The following NPEPPS variants were observed in gnomAD, a reference collection of about 807,000 sequenced individuals.
The protein encoded by NPEPPS is puromycin-sensitive aminopeptidase.
Under a neutral mutation model 115.5 loss-of-function variants are expected in NPEPPS, and 14 were observed. The observed-to-expected ratio is 0.12, with a 90% CI of 0.08 to 0.19. The LOEUF (loss-of-function observed/expected upper bound fraction) is 0.19. Ranked by LOEUF, NPEPPS falls within the 10% of genes least tolerant of loss-of-function variation. NPEPPS has a pLI of 1.00. For synonymous variants in NPEPPS, 285 were observed against 390.6 expected, an observed-to-expected ratio of 0.73 and a Z score of 3.19; for missense variants, 523 against 1,110.8, an observed-to-expected ratio of 0.47 and a Z score of 7.52.
chr17:47,605,703 T>C (rs1412577144), intron 17 of NPEPPS, among the ~76,000 whole-genome samples, 151 bp downstream of exon 17: 2 of 152,244 alleles, frequency 1.3e-5, no homozygotes, highest in Admixed American at 1.3e-4. Flanking sequence ...TTAAGTCTGC[T>C]GGTGAAGTTA....
At chr17:47,541,808 G>A (rs1463253291) in intron 1 of NPEPPS, among the ~76,000 whole-genome samples, 1 of 152,200 alleles carries the variant, frequency 6.6e-6, no homozygotes, top group Non-Finnish European at 1.5e-5. Context: ...TGGTGAAATA[G>A]TGTGAAGGAA....
chr17:47,596,528 A>C lies in NPEPPS; in HGVS notation c.1536+66A>C, dbSNP rs556420710. On this transcript the variant is annotated intron_variant, in intron 13 of 22. Transcript: ENST00000322157. ...AAATGAAGTTCAGTACAGTGTATCA[A>C]GTTTGCTTTTCTGTACTTTAAGTTT... The C allele has an allele frequency of 1.4e-5, 15 of 1,090,906 alleles. No individual in the cohort carries two copies. In the Admixed American group the frequency reaches 4.0e-4, roughly 29 times the overall value. The allele number at this position is 1,090,906 out of a possible 1,614,324, so 67.6% of individuals were successfully genotyped here.
rs905037534 is a variant in NPEPPS, at chr17:47,531,874, C to G, written c.255+319C>G. On this transcript the variant is annotated intron_variant, in intron 1 of 22. Transcript: ENST00000322157. The stretch of plus-strand genomic sequence containing the variant: ...CACACCTGTGTGGGGCTTTCCCCCC[C>G]GCCCCGGACCCTTCTGGGCTTGATA... 1.6e-4 allele frequency among the ~76,000 whole-genome samples: 25 copies of G among 152,174 alleles called. 1 individual carries two copies. The highest frequency in any genetic ancestry group is 2.1e-4 in the South Asian group (1 of 4,828).
At chr17:47,614,919 G>A (rs1914092795) in intron 19 of NPEPPS, among the ~76,000 whole-genome samples, 1 of 152,122 alleles carries the variant, frequency 6.6e-6, no homozygotes, top group Non-Finnish European at 1.5e-5. Context: ...TGTAGAAATA[G>A]CTCTAATGAT....
chr17:47,579,636 T>A (rs545467025), intron 4 of NPEPPS, 125 bp downstream of exon 4: 1 of 653,350 alleles, frequency 1.5e-6, no homozygotes, highest in East Asian at 3.0e-5. Flanking sequence ...ATTCACAATT[T>A]TAGAATTTTT....
chr17:47,612,896 C>T (rs1913967682), intron 18 of NPEPPS, among the ~76,000 whole-genome samples: 1 of 152,158 alleles, frequency 6.6e-6, no homozygotes, highest in Admixed American at 6.6e-5. Context: ...CTCCTGACCT[C>T]AGGTAATCCA....
At chr17:47,547,974 C>T (rs1282384306) in intron 2 of NPEPPS, among the ~76,000 whole-genome samples, 1 of 152,012 alleles carries the variant, frequency 6.6e-6, no homozygotes, top group East Asian at 1.9e-4. Flanking sequence ...TGCAGTGAGC[C>T]GAGATCGCGC....
chr17:47,557,113 CTG>C (rs1910101373), intron 2 of NPEPPS, among the ~76,000 whole-genome samples: 1 of 152,134 alleles, frequency 6.6e-6, no homozygotes, highest in Admixed American at 6.5e-5. Context: ...GAGTCTCACT[CTG>C]TCACCCAGGC....
chr17:47,574,918 C>T (rs1472803343), intron 3 of NPEPPS, among the ~76,000 whole-genome samples: 1 of 152,118 alleles, frequency 6.6e-6, no homozygotes, highest in East Asian at 1.9e-4. Context: ...GATTCTGTTA[C>T]TTCTATTTTG....
chr17:47,589,740 T>G (rs955919253), intron 9 of NPEPPS, among the ~76,000 whole-genome samples: 2 of 152,228 alleles, frequency 1.3e-5, no homozygotes. Context: ...ACACCATTCA[T>G]TACTGAACTG....
chr17:47,609,534 CAAT>C (rs1171433230), intron 17 of NPEPPS, among the ~76,000 whole-genome samples: 1 of 152,208 alleles, frequency 6.6e-6, no homozygotes, highest in African/African-American at 2.4e-5. Flanking sequence ...ATCATCACAA[CAAT>C]GTGTAGTTAT....
At chr17:47,614,784 C>T (rs1914086459) in intron 19 of NPEPPS, among the ~76,000 whole-genome samples, 1 of 152,122 alleles carries the variant, frequency 6.6e-6, no homozygotes, top group South Asian at 2.1e-4. Context: ...CAAAATGTGC[C>T]TAAAAACCCA....
intron 19 of NPEPPS, among the ~76,000 whole-genome samples, chr17:47,614,226 C>T (rs1366549679): frequency 6.6e-6 from 1 of 152,168 alleles, no homozygotes; most frequent in Non-Finnish European, 1.5e-5. Context: ...ACCTCAGCCT[C>T]CCAAAGTGCT....
chr17:47,528,914 G>C (rs2143638262), upstream of NPEPPS, among the ~76,000 whole-genome samples: 1 of 152,096 alleles, frequency 6.6e-6, no homozygotes, highest in African/African-American at 2.4e-5. Flanking sequence ...GGGATTACAG[G>C]CGTGAGCCAC....
At chr17:47,611,472 A>AG (rs1913870334) in intron 17 of NPEPPS, among the ~76,000 whole-genome samples, 1 of 151,358 alleles carries the variant, frequency 6.6e-6, no homozygotes, top group Non-Finnish European at 1.5e-5. Context: ...AAAAAAAAAA[A>AG]AAGAGACAAG....
At chr17:47,525,488 C>T (rs1328775476) in intron 1 of NPEPPS, among the ~76,000 whole-genome samples, 4 of 152,122 alleles carry the variant, frequency 2.6e-5, no homozygotes, top group Non-Finnish European at 4.4e-5. Flanking sequence ...GGATTACAGG[C>T]ATGCAACACC....
intron 5 of NPEPPS, 74 bp from the exon 6 acceptor site, chr17:47,585,426 A>G (rs1912123427): frequency 1.0e-6 from 1 of 992,222 alleles, no homozygotes; most frequent in African/African-American, 1.6e-5. Context: ...TAAAGCCTAC[A>G]GTTTTTGGCT....
intron 17 of NPEPPS, among the ~76,000 whole-genome samples, chr17:47,606,727 C>A (rs1296298417): frequency 6.6e-4 from 2 of 3,008 alleles, no homozygotes; most frequent in Non-Finnish European, 2.3e-3. Flanking sequence ...CAGGCATGAG[C>A]CACTACAGCT....
At chr17:47,611,868 A>G (rs1053528733) in intron 17 of NPEPPS, among the ~76,000 whole-genome samples, 2 of 152,160 alleles carry the variant, frequency 1.3e-5, no homozygotes, top group Non-Finnish European at 2.9e-5. Flanking sequence ...GAGGGTTCCA[A>G]TTTGTCCACA....
Sources: gnomAD v4.1 joint callset for allele counts (sites outside exome capture counted in the v4.1 genomes callset) on GRCh38, gnomAD v4.1.1 for gene constraint, MANE v1.5 for transcripts, NCBI Gene and HGNC (gene_info 2026-07-23, HGNC 2026-07-21) for gene names.